The following DMXL2 variants were observed in gnomAD, a reference collection of about 807,000 sequenced individuals.
DMXL2 encodes the protein dmX-like protein 2.
A neutral mutation model predicts 331.1 loss-of-function variants in DMXL2; 103 were observed. That is an observed-to-expected ratio of 0.31 (90% CI 0.27 to 0.37). The LOEUF (loss-of-function observed/expected upper bound fraction) is 0.37. Ranked by LOEUF, DMXL2 falls within the 10% of genes least tolerant of loss-of-function variation. The probability of loss-of-function intolerance (pLI) is 1.00; values close to 1 mark genes in which losing one functional copy is unlikely to be tolerated. For missense variants in DMXL2, 3,171 were observed against 3,642.9 expected (o/e 0.87, Z 3.33); for synonymous variants, 1,281 against 1,252.1 (o/e 1.02, Z -0.49).
Position 51,592,104 on chromosome 15 carries a change from G to A in DMXL2, c.88-15923C>T, listed in dbSNP as rs1009899688. ...GAGCTGAGAGAAGAAGGCTTCAGAC[G>A]ATCAAACTACTCCGAGCTAAAGGAG... On this transcript the variant is annotated intron_variant, in intron 1 of 43. Coordinates refer to ENST00000560891, the MANE Select transcript of DMXL2 (RefSeq NM_001378457.1). 4.0e-5 allele frequency among the ~76,000 whole-genome samples: 6 copies of A among 150,970 alleles called. No individual in the cohort carries two copies. In the East Asian group the frequency reaches 5.8e-4, roughly 15 times the overall value.
At position 51,464,782 on chromosome 15, in the gene DMXL2, A is replaced by G; in HGVS notation, c.7701T>C (p.Gly2567=). ...ILQEKMDQFE[G]PPPNYINTYP... ...ATGTGTTGATATAGTTAGGGGGTGG[A>G]CCTTCAAACTGATCCATTTTCTCTT... Residue 2567 remains glycine, a synonymous_variant, in exon 32 of 44, where the codon GGT becomes GGC. Transcript: ENST00000560891. The G allele has an allele frequency of 1.2e-6, 2 of 1,614,128 alleles. No homozygotes were observed. The highest frequency in any genetic ancestry group is 8.5e-7 in the Non-Finnish European group (1 of 1,179,988).
Position 51,491,659 on chromosome 15 carries a change from G to T in DMXL2, c.4872C>A (p.Asp1624Glu), listed in dbSNP as rs780795755. 31 of 1,613,356 alleles carry T rather than the reference G, an allele frequency of 1.9e-5. No individual in the cohort carries two copies. In the Admixed American group the frequency reaches 2.7e-4, roughly 14 times the overall value. Residue 1624 changes from aspartate to glutamate, a missense_variant, in exon 20 of 44, where the codon GAC becomes GAA. Physicochemically the swap from Asp to Glu is conservative, Grantham distance 45. Coordinates refer to ENST00000560891, the MANE Select transcript of DMXL2 (RefSeq NM_001378457.1). ...INMIPAIQRG[D>E]PQWSELRAMG... is the part of the protein sequence containing the mutation. ...TAGCTCTTAATTCAGACCACTGGGG[G>T]TCCCCTCTCTGAATTGCTGGAATCA...
At chr15:51,521,458 A>AGTAGTG (rs1386686704) in intron 13 of DMXL2, among the ~76,000 whole-genome samples, 1 of 146,588 alleles carries the variant, frequency 6.8e-6, no homozygotes. Context: ...TAGTAGTAGT[A>AGTAGTG]GTAGTGGTAG....
chr15:51,547,467 G>A (rs1382847753), intron 6 of DMXL2, 59 bp from the exon 7 acceptor site: 1 of 1,279,528 alleles, frequency 7.8e-7, no homozygotes, highest in Non-Finnish European at 1.0e-6. Context: ...CAAAATTTAA[G>A]TGGTTTGAAG....
chr15:51,602,698 G>A (rs774005796), intron 1 of DMXL2, among the ~76,000 whole-genome samples: 2 of 152,164 alleles, frequency 1.3e-5, no homozygotes, highest in East Asian at 1.9e-4. Context: ...CACATCACAG[G>A]ATAGAGTATA....
chr15:51,576,709 T>G (rs1432312743), intron 1 of DMXL2, among the ~76,000 whole-genome samples: 2 of 152,154 alleles, frequency 1.3e-5, no homozygotes, highest in Non-Finnish European at 2.9e-5. Context: ...TGGCTAAACT[T>G]AAATGCATCA....
intron 1 of DMXL2, among the ~76,000 whole-genome samples, chr15:51,616,174 T>C (rs2054272454): frequency 6.6e-6 from 1 of 152,152 alleles, no homozygotes; most frequent in Admixed American, 6.5e-5. Flanking sequence ...CTAAAATCAC[T>C]CCCACCAAAT....
intron 3 of DMXL2, among the ~76,000 whole-genome samples, chr15:51,566,042 C>T (rs2050247281): frequency 6.6e-6 from 1 of 152,042 alleles, no homozygotes; most frequent in Non-Finnish European, 1.5e-5. Flanking sequence ...ACCCCCATCT[C>T]TATAAAAACT....
chr15:51,537,331 GT>G lies in DMXL2; in HGVS notation c.1617+156del, dbSNP rs1364507559. ...ACTAATCAAGTTTGCTAAGCTTATG[GT>G]CACTGATCCCTTCTGAAAGAAAGAA... On this transcript the variant is annotated intron_variant, in intron 11 of 43. Transcript: ENST00000560891. Among the ~76,000 whole-genome samples, 4 of 152,128 alleles carry G rather than the reference GT, an allele frequency of 2.6e-5. No individual in the cohort carries two copies. The East Asian group carries it at 7.7e-4, about 29-fold the overall frequency.
chr15:51,461,917 A>T (rs529014882), intron 33 of DMXL2, among the ~76,000 whole-genome samples: 1 of 152,264 alleles, frequency 6.6e-6, no homozygotes, highest in African/African-American at 2.4e-5. Context: ...TCACTATAGG[A>T]AATGCTATAC....
chr15:51,609,263 G>C (rs890139245), intron 1 of DMXL2, among the ~76,000 whole-genome samples: 1 of 152,202 alleles, frequency 6.6e-6, no homozygotes, highest in Non-Finnish European at 1.5e-5. Flanking sequence ...AAAGCACATA[G>C]TAAGATTGTG....
rs1445055093 is a variant in DMXL2 at position 51,535,721 on chromosome 15, T to C, written c.2378A>G (p.Tyr793Cys). The C allele has an allele frequency of 3.7e-6, 6 of 1,610,320 alleles. No homozygotes were observed. The highest frequency in any genetic ancestry group is 1.3e-5 in the African/African-American group (1 of 74,734). ...TTTCCTTGCATCCACTACAGCTTGA[T>C]AGAGTCTCAGATTTTTGCCATCAGA... is the stretch of plus-strand genomic sequence containing the variant. ...VASDGKNLRL[Y>C]QAVVDARKLL... The change falls in exon 13 of 44, where the codon TAT becomes TGT. Residue 793 changes from tyrosine (Y) to cysteine (C), a missense_variant. By Grantham distance (194) the Tyr-to-Cys change is radical. Transcript: ENST00000560891.
At chr15:51,543,091 T>C (rs956620359) in intron 8 of DMXL2, among the ~76,000 whole-genome samples, 1 of 152,170 alleles carries the variant, frequency 6.6e-6, no homozygotes, top group African/African-American at 2.4e-5. Flanking sequence ...TGGATATGTT[T>C]AAATAGAGAT....
intron 13 of DMXL2, among the ~76,000 whole-genome samples, chr15:51,529,501 T>G (rs1295727806): frequency 1.3e-5 from 2 of 152,118 alleles, no homozygotes; most frequent in South Asian, 2.1e-4. Flanking sequence ...TTGCAAAATC[T>G]ACAAGAAATG....
chr15:51,451,402 T>C (rs541350471), intron 42 of DMXL2, among the ~76,000 whole-genome samples: 4 of 152,274 alleles, frequency 2.6e-5, no homozygotes, highest in Non-Finnish European at 5.9e-5. Flanking sequence ...ATCCATACCA[T>C]ATTTTCTGAA....
intron 1 of DMXL2, among the ~76,000 whole-genome samples, chr15:51,607,662 A>G (rs2053684016): frequency 6.6e-6 from 1 of 152,222 alleles, no homozygotes; most frequent in South Asian, 2.1e-4. Context: ...GATTTTTTAA[A>G]TGTATACATA....
At chr15:51,594,875 A>G (rs2052672805) in intron 1 of DMXL2, among the ~76,000 whole-genome samples, 1 of 152,250 alleles carries the variant, frequency 6.6e-6, no homozygotes, top group African/African-American at 2.4e-5. Context: ...CCTTCATGCT[A>G]AAAACTCTCA....
In DMXL2 at chr15:51,465,436, C is replaced by A. The variant is rs561132195; in HGVS notation, c.7606+130G>T. On this transcript the variant is annotated intron_variant, in intron 31 of 43. Coordinates refer to ENST00000560891, the MANE Select transcript of DMXL2 (RefSeq NM_001378457.1). ...GTCACAGATTGGAGCCTAAAATAAA[C>A]AAGACTTTATAAAATATCTAATGCA... The A allele has an allele frequency of 2.0e-5, 15 of 736,350 alleles. No individual in the cohort carries two copies. The African/African-American group carries it at 2.6e-4, about 13-fold the overall frequency. 45.6% of individuals were successfully genotyped at this position (736,350 alleles called of 1,614,324 possible).
At chr15:51,486,477 T>A in intron 22 of DMXL2, 140 bp from the exon 23 acceptor site, 1 of 653,888 alleles carries the variant, frequency 1.5e-6, no homozygotes, top group Non-Finnish European at 2.5e-6. Context: ...GTTAAATGAT[T>A]GATAGGAGAT....
Sources: gnomAD v4.1 joint callset for allele counts (sites outside exome capture counted in the v4.1 genomes callset) on GRCh38, gnomAD v4.1.1 for gene constraint, MANE v1.5 for transcripts, NCBI Gene and HGNC (gene_info 2026-07-23, HGNC 2026-07-21) for gene names.